CAST: variants seen among roughly 807,000 people sequenced by gnomAD.
CAST encodes calpastatin.
Under a neutral mutation model 119.6 loss-of-function variants are expected in CAST, and 76 were observed. That is an observed-to-expected ratio of 0.64 (90% confidence interval 0.53 to 0.77). The LOEUF (loss-of-function observed/expected upper bound fraction) is 0.77, where lower values mean the gene tolerates loss of function less well. CAST is among the 30% of genes least tolerant of loss of function. The pLI is 0.00. For missense variants in CAST, 953 were observed against 946.5 expected (o/e 1.01, Z -0.09); for synonymous variants, 319 against 331.6 (o/e 0.96, Z 0.41).
chr5:96,194,879 AC>A, the CAST span, among the ~76,000 whole-genome samples: 1 of 152,200 alleles, frequency 6.6e-6, no homozygotes, highest in South Asian at 2.1e-4. Context: ...TGGTTTAGGG[AC>A]CTAGTTCTGG....
At chr5:96,554,234 C>A (rs1746189134) in intron 1 of CAST, among the ~76,000 whole-genome samples, 1 of 152,132 alleles carries the variant, frequency 6.6e-6, no homozygotes. Context: ...AGAACAGAGG[C>A]CTCAGAAATA....
At chr5:96,191,146 C>T in the CAST span, among the ~76,000 whole-genome samples, 1 of 152,188 alleles carries the variant, frequency 6.6e-6, no homozygotes, top group Non-Finnish European at 1.5e-5. Context: ...CTGTGGGATG[C>T]TGGCTTCCAG....
At chr5:96,598,051 C>T (rs1747085401) in intron 1 of CAST, among the ~76,000 whole-genome samples, 1 of 152,182 alleles carries the variant, frequency 6.6e-6, no homozygotes, top group Admixed American at 6.5e-5. Context: ...CCCGAAGGTC[C>T]TGTGCTCAGA....
chr5:96,607,965 A>T lies in CAST; in HGVS notation c.61-67574A>T, dbSNP rs6882273. Reference sequence around the variant, plus strand: ...TTTATCATTTCTTTGTGGTGAGAGCATACAAAATCCTCTCTTCCAGCTATT... The same window carrying T: ...TTTATCATTTCTTTGTGGTGAGAGCTTACAAAATCCTCTCTTCCAGCTATT... On this transcript the variant is annotated intron_variant, in intron 1 of 11. Coordinates refer to the CAST transcript ENST00000505143. Among the ~76,000 whole-genome samples, 539 of 152,320 alleles carry T rather than the reference A, an allele frequency of 3.5e-3. 6 individuals are homozygous for T. The highest frequency in any genetic ancestry group is 0.012 in the African/African-American group (518 of 41,558).
the CAST span, among the ~76,000 whole-genome samples, chr5:96,340,007 C>T: frequency 1.3e-5 from 2 of 152,186 alleles, no homozygotes; most frequent in African/African-American, 4.8e-5. Context: ...CTTGCCTGAA[C>T]TCATGGCCTT....
chr5:96,072,518 C>A, the CAST span, among the ~76,000 whole-genome samples: 1 of 152,140 alleles, frequency 6.6e-6, no homozygotes, highest in Non-Finnish European at 1.5e-5. Flanking sequence ...GTAAACTGCC[C>A]ATGAAACCCA....
chr5:96,518,207 G>A, the CAST span, among the ~76,000 whole-genome samples: 1 of 152,192 alleles, frequency 6.6e-6, no homozygotes, highest in Non-Finnish European at 1.5e-5. Flanking sequence ...TGTAATTCTA[G>A]TCATCTATAC....
the CAST span, among the ~76,000 whole-genome samples, chr5:96,050,755 C>T: frequency 1.3e-5 from 2 of 152,106 alleles, 1 homozygote; most frequent in Non-Finnish European, 2.9e-5. Context: ...AGTGCTCCCT[C>T]TTGCAGCTGT....
chr5:96,690,733 GAGTC>G (rs1752634834), intron 2 of CAST, among the ~76,000 whole-genome samples: 1 of 152,204 alleles, frequency 6.6e-6, no homozygotes. Context: ...TTGTAAATAA[GAGTC>G]AGAGTTTTAT....
intron 1 of CAST, among the ~76,000 whole-genome samples, chr5:96,663,939 CAAAAAAAA>C (rs3048777): frequency 9.0e-6 from 1 of 111,004 alleles, no homozygotes; most frequent in Non-Finnish European, 2.2e-5. Context: ...GATTGCTTTC[CAAAAAAAA>C]AAAAAAAAAT....
the CAST span, among the ~76,000 whole-genome samples, chr5:96,105,206 T>G: frequency 6.6e-6 from 1 of 151,664 alleles, no homozygotes; most frequent in Non-Finnish European, 1.5e-5. Context: ...CTTCCTCTTT[T>G]CCTAATTGAA....
chr5:96,661,675 G>A (rs1748510141), upstream of CAST, among the ~76,000 whole-genome samples: 1 of 152,274 alleles, frequency 6.6e-6, no homozygotes, highest in South Asian at 2.1e-4. Flanking sequence ...AGCCCAAGAA[G>A]AAAGCAATCT....
the CAST span, among the ~76,000 whole-genome samples, chr5:96,502,613 A>C: frequency 1.7e-5 from 2 of 119,380 alleles, no homozygotes; most frequent in African/African-American, 3.3e-5. Context: ...CAAGTTACCT[A>C]GTCTTTCTTT....
At chr5:96,355,858 C>G in the CAST span, among the ~76,000 whole-genome samples, 3 of 152,064 alleles carry the variant, frequency 2.0e-5, no homozygotes, top group Non-Finnish European at 4.4e-5. Context: ...CACACCACCA[C>G]GCCCAGCTAA....
Position 96,610,463 on chromosome 5 carries a change from CA to C in CAST, c.61-65074del, listed in dbSNP as rs563700847. Among the ~76,000 whole-genome samples the C allele has an allele frequency of 1.1e-4, 16 of 152,216 alleles. No individual in the cohort carries two copies. In the South Asian group the frequency reaches 2.7e-3, roughly 26 times the overall value. On this transcript the variant is annotated intron_variant, in intron 1 of 11. Coordinates refer to the CAST transcript ENST00000505143. ...ATACGAAAAGGCATTCGATAAAATC[CA>C]ACATCTTTTCATGACAAAAATCCTC...
chr5:96,142,701 T>C, the CAST span, among the ~76,000 whole-genome samples: 1 of 152,310 alleles, frequency 6.6e-6, no homozygotes. Context: ...AGAAGAGGTA[T>C]GGTGGAGGTG....
At chr5:96,167,748 T>C in the CAST span, among the ~76,000 whole-genome samples, 13 of 152,142 alleles carry the variant, frequency 8.5e-5, no homozygotes, top group East Asian at 1.9e-4. Context: ...TCAGACCCTG[T>C]GGGAAAGGCC....
intron 1 of CAST, among the ~76,000 whole-genome samples, chr5:96,666,779 A>G (rs1472225825): frequency 6.6e-6 from 1 of 152,156 alleles, no homozygotes; most frequent in African/African-American, 2.4e-5. Flanking sequence ...GGTTAATTAT[A>G]TTCTACAGGT....
chr5:96,029,353 T>A, the CAST span, among the ~76,000 whole-genome samples: 2 of 152,122 alleles, frequency 1.3e-5, no homozygotes, highest in African/African-American at 2.4e-5. Context: ...AGATATGACT[T>A]TGGCTATATC....
Sources: gnomAD v4.1 joint callset for allele counts (sites outside exome capture counted in the v4.1 genomes callset) on GRCh38, gnomAD v4.1.1 for gene constraint, MANE v1.5 for transcripts, NCBI Gene and HGNC (gene_info 2026-07-23, HGNC 2026-07-21) for gene names.